Variants in AMBRA1 observed in about 807,000 individuals in gnomAD.
AMBRA1 encodes the protein activating molecule in BECN1-regulated autophagy protein 1.
A neutral mutation model predicts 125.4 loss-of-function variants in AMBRA1; 47 were observed. The observed-to-expected ratio is 0.37, with a 90% CI of 0.30 to 0.48. The LOEUF is 0.48. Among genes scored for constraint, AMBRA1 ranks in the 20% least tolerant of loss-of-function variants. The pLI is 0.99. For synonymous variants in AMBRA1, 626 were observed against 655.5 expected, an observed-to-expected ratio of 0.95 and a Z score of 0.69; for missense variants, 1,331 against 1,693.4, an observed-to-expected ratio of 0.79 and a Z score of 3.76.
At chr11:46,491,505 T>C (rs532097054) in intron 11 of AMBRA1, 1 of 152,358 alleles carries the variant, frequency 6.6e-6, no homozygotes, top group East Asian at 1.9e-4. Context: ...TTATTATTAT[T>C]GGAATTTTCT....
At chr11:46,549,169 A>G (rs911215319) in intron 1 of AMBRA1, 6 of 152,242 alleles carry the variant, frequency 3.9e-5, no homozygotes, top group African/African-American at 1.4e-4. Flanking sequence ...TTAAAATTCT[A>G]CTAAAATGGC....
intron 15 of AMBRA1, among the ~76,000 whole-genome samples, chr11:46,411,477 C>CT (rs1054406260): frequency 7.9e-5 from 12 of 152,118 alleles, no homozygotes; most frequent in African/African-American, 2.7e-4. Context: ...CCAAATCTGC[C>CT]TTTTTTTCTG....
intron 11 of AMBRA1, among the ~76,000 whole-genome samples, chr11:46,468,728 C>T (rs1183416028): frequency 2.7e-5 from 4 of 150,462 alleles, no homozygotes; most frequent in African/African-American, 4.9e-5. Context: ...AGGAGAATGG[C>T]GTGAACCTGG....
intron 7 of AMBRA1, among the ~76,000 whole-genome samples, chr11:46,516,493 C>T (rs935674089): frequency 2.1e-5 from 3 of 143,056 alleles, no homozygotes; most frequent in South Asian, 4.4e-4. Flanking sequence ...TGCAGTGGCA[C>T]GATCTCGGCT....
rs935768814 is a variant in AMBRA1, at chr11:46,417,850, A to G, written c.3116+63T>C. 3 of 1,507,298 alleles carry G rather than the reference A, an allele frequency of 2.0e-6. No individual in the cohort carries two copies. In the East Asian group the frequency reaches 7.2e-5, roughly 36 times the overall value. The allele number at this position is 1,507,298 out of a possible 1,614,324, so 93.4% of individuals were successfully genotyped here. A position where few individuals can be genotyped will look rare whatever the true frequency, so the allele number is the denominator to read the frequency against. ...CCTTCTAAAAGACCCCAGTTGGTGAATACTGATTACCCCAGTCCTCGGCCC... is the reference window on the plus strand; with the variant it reads ...CCTTCTAAAAGACCCCAGTTGGTGAGTACTGATTACCCCAGTCCTCGGCCC... On this transcript the variant is annotated intron_variant, in intron 15 of 17. Transcript: ENST00000683756.
chr11:46,492,062 T>C (rs1371970889), intron 11 of AMBRA1, among the ~76,000 whole-genome samples: 9 of 152,074 alleles, frequency 5.9e-5, no homozygotes. Flanking sequence ...TATCTGCCAG[T>C]GAAAAAAGCT....
chr11:46,591,262 T>A (rs969430855), intron 1 of AMBRA1: 3 of 152,164 alleles, frequency 2.0e-5, no homozygotes, highest in Non-Finnish European at 4.4e-5. Context: ...TGATATACAT[T>A]CTCTTCTACC....
intron 14 of AMBRA1, among the ~76,000 whole-genome samples, chr11:46,425,594 C>A (rs1333911783): frequency 1.3e-5 from 2 of 152,080 alleles, no homozygotes; most frequent in Admixed American, 1.3e-4. Flanking sequence ...GTAATCCCAG[C>A]ACTTTGGGAG....
intron 15 of AMBRA1, among the ~76,000 whole-genome samples, chr11:46,413,131 T>C (rs937890836): frequency 1.3e-5 from 2 of 152,256 alleles, no homozygotes; most frequent in East Asian, 3.8e-4. Context: ...GAGCTGGGAC[T>C]GTCAGCATAA....
intron 14 of AMBRA1, among the ~76,000 whole-genome samples, chr11:46,430,615 T>G (rs891766726): frequency 6.6e-6 from 1 of 152,202 alleles, no homozygotes; most frequent in Non-Finnish European, 1.5e-5. Flanking sequence ...AGAAGAGTTT[T>G]CATATGGGAT....
Position 46,400,260 on chromosome 11 carries a change from G to T in AMBRA1, c.3404-2317C>A, listed in dbSNP as rs541286303. 8.5e-5 allele frequency among the ~76,000 whole-genome samples: 13 copies of T among 152,160 alleles called. No homozygotes were observed. In the South Asian group the frequency reaches 2.7e-3, roughly 32 times the overall value. On this transcript the variant is annotated intron_variant, in intron 17 of 17. Coordinates refer to ENST00000683756, the MANE Select transcript of AMBRA1 (RefSeq NM_001387011.1). ...GCAGTTTTGGGGGTTTTGATGGTGA[G>T]TTTTCTTTCCTTTTGGGGTACTTGC...
chr11:46,411,761 G>A (rs2136628073), intron 15 of AMBRA1, among the ~76,000 whole-genome samples: 1 of 152,190 alleles, frequency 6.6e-6, no homozygotes, highest in East Asian at 1.9e-4. Context: ...GAACCACTGC[G>A]CCCAGCCCAA....
At chr11:46,433,774 A>G in intron 13 of AMBRA1, 146 bp from the exon 14 acceptor site, 1 of 840,512 alleles carries the variant, frequency 1.2e-6, no homozygotes, top group Non-Finnish European at 1.8e-6. Flanking sequence ...AGTGAGGAGT[A>G]TGATGAGAAG....
At chr11:46,473,682 C>T (rs369292170) in intron 11 of AMBRA1, among the ~76,000 whole-genome samples, 1 of 152,188 alleles carries the variant, frequency 6.6e-6, no homozygotes, top group Non-Finnish European at 1.5e-5. Flanking sequence ...GACGGAGTCT[C>T]GCACTGTCGC....
At chr11:46,517,217 G>A (rs1951532486) in intron 7 of AMBRA1, among the ~76,000 whole-genome samples, 1 of 140,336 alleles carries the variant, frequency 7.1e-6, no homozygotes, top group Non-Finnish European at 1.5e-5. Context: ...GTGCAATCTC[G>A]GCTCACTGCA....
rs1400763781 is a variant in AMBRA1, at chr11:46,548,197, C to T, written c.135+49G>A. The T allele has an allele frequency of 1.9e-6, 3 of 1,611,630 alleles. No homozygotes were observed. The East Asian group carries it at 6.7e-5, about 36-fold the overall frequency. On this transcript the variant is annotated intron_variant, in intron 2 of 17. Transcript: ENST00000683756. ...TGTTAACCCATTCTAAGGTCTCATT[C>T]TACCATCACCAGCACAAATCCTATG...
intron 15 of AMBRA1, among the ~76,000 whole-genome samples, chr11:46,416,414 GC>G (rs759816371): frequency 3.3e-4 from 50 of 152,256 alleles, no homozygotes; most frequent in Non-Finnish European, 6.3e-4. Context: ...AAACATTCTT[GC>G]AGCTCCAAGA....
chr11:46,434,943 G>C lies in AMBRA1; in HGVS notation c.2727C>G (p.Pro909=). The change falls in exon 13 of 18, where the codon CCC becomes CCG. Residue 909 remains proline (P), a synonymous_variant. Transcript: ENST00000683756. ...CATCAGGAAAGCCCCTCTGGCTGCT[G>C]GGGATGAAAGCTGCCAGGAGCTGGC... The part of the protein sequence containing the change: ...ADGQLLAAFI[P]SSQRGFPDEG... 1 of 1,614,024 alleles carries C rather than the reference G, an allele frequency of 6.2e-7. No individual in the cohort carries two copies. The highest frequency in any genetic ancestry group is 8.5e-7 in the Non-Finnish European group (1 of 1,179,970).
At chr11:46,459,630 G>A (rs778021583) in intron 11 of AMBRA1, among the ~76,000 whole-genome samples, 4 of 151,494 alleles carry the variant, frequency 2.6e-5, no homozygotes, top group Non-Finnish European at 5.9e-5. Flanking sequence ...AGAATTGCTC[G>A]GACCTGGGAG....
Sources: gnomAD v4.1 joint callset for allele counts (sites outside exome capture counted in the v4.1 genomes callset) on GRCh38, gnomAD v4.1.1 for gene constraint, MANE v1.5 for transcripts, NCBI Gene and HGNC (gene_info 2026-07-23, HGNC 2026-07-21) for gene names.